The following SYTL3 variants were observed in gnomAD, a reference collection of about 807,000 sequenced individuals.
SYTL3 encodes synaptotagmin-like protein 3.
A neutral mutation model predicts 82.1 loss-of-function variants in SYTL3; 88 were observed. The observed-to-expected ratio is 1.07, with a 90% CI of 0.90 to 1.28. SYTL3 has a LOEUF of 1.28. SYTL3 is among the 50% of genes most tolerant of loss of function. The pLI, the probability that SYTL3 is intolerant of heterozygous loss-of-function variation, is 0.00. For missense variants in SYTL3, 831 were observed against 757.6 expected, an observed-to-expected ratio of 1.10 and a Z score of -1.14; for synonymous variants, 311 against 289.4, an observed-to-expected ratio of 1.07 and a Z score of -0.76.
chr6:158,758,041 G>C (rs146959209), intron 14 of SYTL3, among the ~76,000 whole-genome samples: 1 of 152,270 alleles, frequency 6.6e-6, no homozygotes, highest in East Asian at 1.9e-4. Flanking sequence ...AGCATTTCTC[G>C]GAGACGCTGC....
At chr6:158,700,154 G>A (rs1301404712) in intron 6 of SYTL3, among the ~76,000 whole-genome samples, 1 of 152,070 alleles carries the variant, frequency 6.6e-6, no homozygotes, top group East Asian at 1.9e-4. Flanking sequence ...TACTTGGGAG[G>A]CTGAGGCAGG....
At chr6:158,761,069 G>T (rs1789852345) in intron 15 of SYTL3, among the ~76,000 whole-genome samples, 2 of 152,092 alleles carry the variant, frequency 1.3e-5, no homozygotes, top group South Asian at 4.1e-4. Context: ...GAAGAGCAGA[G>T]GCTCCATGAC....
chr6:158,717,325 T>C (rs1343971212), intron 9 of SYTL3, among the ~76,000 whole-genome samples: 1 of 152,008 alleles, frequency 6.6e-6, no homozygotes, highest in Non-Finnish European at 1.5e-5. Context: ...TTTTTTTAAC[T>C]TTTTAAATAT....
At chr6:158,733,592 G>T (rs374093488) in intron 11 of SYTL3, among the ~76,000 whole-genome samples, 2 of 151,824 alleles carry the variant, frequency 1.3e-5, no homozygotes. Flanking sequence ...CTCCCAAAGT[G>T]CTGGGATGAC....
At chr6:158,755,559 A>C (rs974271803) in intron 13 of SYTL3, among the ~76,000 whole-genome samples, 3 of 152,206 alleles carry the variant, frequency 2.0e-5, no homozygotes, top group Non-Finnish European at 4.4e-5. Flanking sequence ...CAGAGCCTAC[A>C]GGCAGCCCCC....
upstream of SYTL3, among the ~76,000 whole-genome samples, chr6:158,645,834 T>G (rs572592232): frequency 1.3e-5 from 2 of 152,330 alleles, no homozygotes. Flanking sequence ...CTAATCTTAG[T>G]GATCTTTGGA....
chr6:158,755,058 A>G (rs3102982), intron 13 of SYTL3, among the ~76,000 whole-genome samples: 74,744 of 152,016 alleles, frequency 0.49, 19,163 homozygotes, highest in African/African-American at 0.57. Context: ...AAATGGACCC[A>G]TGGGCTGGGT....
At chr6:158,733,208 T>C (rs1352676032) in intron 11 of SYTL3, among the ~76,000 whole-genome samples, 1 of 152,220 alleles carries the variant, frequency 6.6e-6, no homozygotes, top group East Asian at 1.9e-4. Flanking sequence ...GCTGAATATG[T>C]TCACAGGCAC....
Position 158,764,553 on chromosome 6 carries a change from A to G in SYTL3, c.1782A>G (p.Lys594=). 2 of 1,614,156 alleles carry G rather than the reference A, an allele frequency of 1.2e-6. No homozygotes were observed. Among genetic ancestry groups the G allele is most frequent in the Non-Finnish European group, 1.7e-6 (2 of 1,180,016 alleles). ...CACTATCGAAGCTCCAGTGGCAGAA[A>G]GTCCTTTCCAGCCCCAATCTATGGA... ...ACSLSKLQWQ[K]VLSSPNLWTD... Residue 594 remains lysine, a synonymous_variant, in exon 18 of 18, where the codon AAA becomes AAG. Coordinates refer to ENST00000611299, the MANE Select transcript of SYTL3 (RefSeq NM_001242394.2).
intron 11 of SYTL3, chr6:158,726,257 G>A: frequency 2.3e-6 from 1 of 443,372 alleles, no homozygotes; most frequent in Non-Finnish European, 4.4e-6. Flanking sequence ...AATTTCAGGA[G>A]TCTCTTGGGT....
intron 10 of SYTL3, among the ~76,000 whole-genome samples, chr6:158,718,461 A>G (rs1384664727): frequency 6.6e-6 from 1 of 152,238 alleles, no homozygotes; most frequent in Non-Finnish European, 1.5e-5. Context: ...CAAGCCCCTG[A>G]GGCTCCTCTG....
At chr6:158,681,141 A>T in intron 5 of SYTL3, among the ~76,000 whole-genome samples, 1 of 152,326 alleles carries the variant, frequency 6.6e-6, no homozygotes, top group South Asian at 2.1e-4. Context: ...GGAATTGGCC[A>T]GTTTTGTGGC....
intron 11 of SYTL3, among the ~76,000 whole-genome samples, chr6:158,741,075 T>C (rs1019179384): frequency 1.3e-4 from 20 of 152,248 alleles, no homozygotes; most frequent in African/African-American, 4.1e-4. Flanking sequence ...TTTGTTTTTG[T>C]TTTTTGCTTT....
At chr6:158,648,091 C>T (rs143289438), upstream of SYTL3, among the ~76,000 whole-genome samples, 3 of 152,006 alleles carry the variant, frequency 2.0e-5, no homozygotes, top group African/African-American at 4.8e-5. Context: ...GTCGGGAGTT[C>T]GAGACTAGCC....
intron 8 of SYTL3, among the ~76,000 whole-genome samples, chr6:158,710,373 A>C (rs1333084186): frequency 6.6e-6 from 1 of 152,240 alleles, no homozygotes; most frequent in African/African-American, 2.4e-5. Flanking sequence ...TCACCCAAAC[A>C]GCTGAGATCT....
chr6:158,719,209 A>G (rs34407093), intron 10 of SYTL3, among the ~76,000 whole-genome samples: 28,741 of 152,208 alleles, frequency 0.19, 3,236 homozygotes, highest in Non-Finnish European at 0.26. Context: ...ACTCTGTACT[A>G]ATAGCTTAAC....
intron 12 of SYTL3, 61 bp downstream of exon 12, chr6:158,745,719 G>A: frequency 1.8e-5 from 22 of 1,223,144 alleles, no homozygotes; most frequent in South Asian, 1.1e-4. Context: ...ATATGAAAAA[G>A]TAAAAGTCTA....
intron 5 of SYTL3, among the ~76,000 whole-genome samples, chr6:158,671,015 A>G (rs2128382216): frequency 6.6e-6 from 1 of 151,960 alleles, no homozygotes; most frequent in Middle Eastern, 3.4e-3. Context: ...CTTGTTAGCC[A>G]GGATGGTCTT....
At position 158,763,507 on chromosome 6, in the gene SYTL3, C is replaced by A; in HGVS notation, c.1721C>A (p.Ser574Ter). The change falls in exon 17 of 18, where the codon TCA becomes TAA. Residue 574 changes from serine to a stop codon, truncating the protein, a stop_gained and splice_region_variant. Transcript: ENST00000611299. LOFTEE classifies it low-confidence loss of function (END_TRUNC). ...TTGCTTGGAGGAACCAGACTTGGTT[C>A]AAGTAAGTCTGAGACATTGAGCCCA... ...DRLLGGTRLG[S>*]KGDTAVGGDA... 1 of 1,613,516 alleles carries A rather than the reference C, an allele frequency of 6.2e-7. No homozygotes were observed. The highest frequency in any genetic ancestry group is 1.1e-5 in the South Asian group (1 of 91,056).
Sources: gnomAD v4.1 joint callset for allele counts (sites outside exome capture counted in the v4.1 genomes callset) on GRCh38, gnomAD v4.1.1 for gene constraint, MANE v1.5 for transcripts, NCBI Gene and HGNC (gene_info 2026-07-23, HGNC 2026-07-21) for gene names.